The following RPIA variants were observed in gnomAD, a reference collection of about 807,000 sequenced individuals.
RPIA encodes the protein ribose 5-phosphate isomerase A.
A neutral mutation model predicts 37.8 loss-of-function variants in RPIA; 29 were observed. That is an observed-to-expected ratio of 0.77 (90% CI 0.57 to 1.05). The LOEUF is 1.05. Among genes scored for constraint, RPIA ranks in the 50% least tolerant of loss-of-function variants. The pLI, the probability that RPIA is intolerant of heterozygous loss-of-function variation, is 0.00. For missense variants in RPIA, 385 were observed against 413.6 expected (o/e 0.93, Z 0.60); for synonymous variants, 167 against 157.0 (o/e 1.06, Z -0.48).
intron 3 of RPIA, among the ~76,000 whole-genome samples, chr2:88,716,531 T>A (rs560090485): frequency 6.6e-6 from 1 of 152,324 alleles, no homozygotes; most frequent in Admixed American, 6.5e-5. Context: ...CCTGTGTTTT[T>A]AAAATAGCAC....
intron 1 of RPIA, among the ~76,000 whole-genome samples, chr2:88,698,069 CTTCT>C (rs1261897641): frequency 1.5e-4 from 23 of 150,082 alleles, no homozygotes; most frequent in South Asian, 6.3e-4. Context: ...CTTTCTTCTT[CTTCT>C]TTCTTTCTTT....
intron 3 of RPIA, among the ~76,000 whole-genome samples, chr2:88,715,473 G>A (rs574340235): frequency 1.5e-4 from 23 of 152,294 alleles, no homozygotes; most frequent in African/African-American, 4.8e-4. Context: ...TGACTCTAAT[G>A]TCAGAAATTC....
At chr2:88,698,084 C>CTTTT (rs551033597) in intron 1 of RPIA, among the ~76,000 whole-genome samples, 6 of 138,006 alleles carry the variant, frequency 4.3e-5, no homozygotes, top group East Asian at 2.1e-4. Context: ...TTCTTTCTTT[C>CTTTT]TTTTTTTTTT....
At chr2:88,724,541 T>C (rs2104116941) in intron 3 of RPIA, among the ~76,000 whole-genome samples, 1 of 152,240 alleles carries the variant, frequency 6.6e-6, no homozygotes, top group African/African-American at 2.4e-5. Context: ...ACTCCCGACC[T>C]CAGGTGATCT....
At chr2:88,713,120 A>ATATTTTT (rs1041923467) in intron 3 of RPIA, among the ~76,000 whole-genome samples, 7 of 65,292 alleles carry the variant, frequency 1.1e-4, no homozygotes, top group African/African-American at 1.6e-4. Context: ...ATATATATAT[A>ATATTTTT]TTTTTTTTTT....
chr2:88,721,544 T>TACACAC (rs748522109), intron 3 of RPIA, among the ~76,000 whole-genome samples: 7 of 82,930 alleles, frequency 8.4e-5, no homozygotes, highest in South Asian at 4.4e-4. Context: ...ATATATATTA[T>TACACAC]ACACACACAC....
At chr2:88,701,519 A>G (rs1386489576) in intron 3 of RPIA, among the ~76,000 whole-genome samples, 2 of 120,242 alleles carry the variant, frequency 1.7e-5, no homozygotes, top group East Asian at 2.6e-4. Context: ...CCCCTAGATG[A>G]CCACTACCTA....
chr2:88,727,010 A>T (rs1673205230), intron 3 of RPIA, among the ~76,000 whole-genome samples: 1 of 152,192 alleles, frequency 6.6e-6, no homozygotes, highest in Non-Finnish European at 1.5e-5. Flanking sequence ...AAGTGCTGGG[A>T]TTATGAGCAT....
chr2:88,714,242 C>T (rs1673005124), intron 3 of RPIA, among the ~76,000 whole-genome samples: 2 of 151,844 alleles, frequency 1.3e-5, no homozygotes, highest in South Asian at 4.1e-4. Context: ...GCGATCTGGG[C>T]TCACTGCAAC....
intron 8 of RPIA, among the ~76,000 whole-genome samples, chr2:88,741,418 C>CCATGGTG (rs1673382041): frequency 6.6e-6 from 1 of 152,052 alleles, no homozygotes; most frequent in African/African-American, 2.4e-5. Flanking sequence ...GAGTAGTATT[C>CCATGGTG]CATGGTGTGT....
At chr2:88,727,157 C>T (rs1022635412) in intron 3 of RPIA, among the ~76,000 whole-genome samples, 9 of 152,230 alleles carry the variant, frequency 5.9e-5, no homozygotes, top group African/African-American at 2.2e-4. Flanking sequence ...TGCCAGTCTG[C>T]AGCCTTACCC....
intron 3 of RPIA, among the ~76,000 whole-genome samples, chr2:88,709,189 GTTC>G (rs1203766479): frequency 1.3e-5 from 2 of 152,222 alleles, no homozygotes; most frequent in Non-Finnish European, 2.9e-5. Flanking sequence ...AGTAAAATGA[GTTC>G]TTCTATCGCT....
intron 8 of RPIA, among the ~76,000 whole-genome samples, chr2:88,738,295 A>G (rs935635327): frequency 6.6e-6 from 1 of 152,172 alleles, no homozygotes; most frequent in Admixed American, 6.5e-5. Context: ...TTGCTTGTGC[A>G]TTTCACAGCC....
chr2:88,750,096 T>C lies in RPIA; in HGVS notation c.*18T>C. 1 of 1,573,386 alleles carries C rather than the reference T, an allele frequency of 6.4e-7. No individual in the cohort carries two copies. The highest frequency in any genetic ancestry group is 8.7e-7 in the Non-Finnish European group (1 of 1,144,364). The stretch of plus-strand genomic sequence containing the variant: ...TCTGTTGACCCTGCAAGGAGCAGAG[T>C]GTGTTCACCTTGAGTCTCCAGCCCA... On this transcript the variant is annotated 3_prime_UTR_variant, in exon 9 of 9. Transcript: ENST00000283646.
chr2:88,733,934 C>G (rs1337195019), intron 4 of RPIA, among the ~76,000 whole-genome samples: 2 of 152,148 alleles, frequency 1.3e-5, no homozygotes, highest in African/African-American at 4.8e-5. Flanking sequence ...AGGGAGCGGG[C>G]AAGCCCAGAC....
chr2:88,695,246 A>G (rs776736077), intron 1 of RPIA, among the ~76,000 whole-genome samples: 3 of 152,202 alleles, frequency 2.0e-5, no homozygotes, highest in Non-Finnish European at 2.9e-5. Flanking sequence ...GTGTTGTGGA[A>G]ACTCCAACTT....
At chr2:88,718,083 G>A (rs1279287594) in intron 3 of RPIA, among the ~76,000 whole-genome samples, 1 of 152,004 alleles carries the variant, frequency 6.6e-6, no homozygotes, top group Non-Finnish European at 1.5e-5. Flanking sequence ...GAACAGTGGG[G>A]AAAAAAGAAG....
intron 3 of RPIA, among the ~76,000 whole-genome samples, chr2:88,707,161 C>G (rs1477842979): frequency 6.6e-6 from 1 of 152,148 alleles, no homozygotes; most frequent in African/African-American, 2.4e-5. Context: ...TGGCATGGCT[C>G]CTTGTTAGTT....
Position 88,734,611 on chromosome 2 carries a change from T to C in RPIA, c.522T>C (p.Gly174=), listed in dbSNP as rs1673293182. The change falls in exon 5 of 9, where the codon GGT becomes GGC. Residue 174 remains glycine, a synonymous_variant. Transcript: ENST00000283646. ...ATGCTGATCTCAATCTCATCAAGGG[T>C]GGCGGGTGAGTGTTGTGGGGGCTTC... is the stretch of plus-strand genomic sequence containing the variant. The part of the protein sequence containing the change: ...EVDADLNLIK[G]GGGCLTQEKI... 1 of 1,613,934 alleles carries C rather than the reference T, an allele frequency of 6.2e-7. No individual in the cohort carries two copies. Among genetic ancestry groups the C allele is most frequent in the African/African-American group, 1.3e-5 (1 of 74,890 alleles).
Sources: allele counts gnomAD v4.1 joint callset (sites outside exome capture counted in the v4.1 genomes callset), GRCh38; gene constraint gnomAD v4.1.1; transcripts MANE v1.5; gene names NCBI Gene and HGNC (gene_info 2026-07-23, HGNC 2026-07-21).